MED13L: variants seen among roughly 807,000 people sequenced by gnomAD.
MED13L encodes the protein mediator complex subunit 13L.
A neutral mutation model predicts 220.9 loss-of-function variants in MED13L; 7 were observed. That is an observed-to-expected ratio of 0.03 (90% CI 0.02 to 0.06). The LOEUF is 0.06. Among genes scored for constraint, MED13L ranks in the 10% least tolerant of loss-of-function variants. The probability of loss-of-function intolerance (pLI) is 1.00; values close to 1 mark genes in which losing one functional copy is unlikely to be tolerated. For missense variants in MED13L, 1,965 were observed against 2,760.5 expected (o/e 0.71, Z 6.46); for synonymous variants, 1,011 against 1,015.2 (o/e 1.00, Z 0.08).
chr12:116,216,099 T>A (rs936149508), intron 2 of MED13L, among the ~76,000 whole-genome samples: 3 of 152,200 alleles, frequency 2.0e-5, no homozygotes, highest in African/African-American at 7.2e-5. Context: ...GTCCACTGCG[T>A]CTCTGCTCTT....
chr12:115,986,889 T>G (rs773344247), intron 18 of MED13L, among the ~76,000 whole-genome samples: 44 of 152,164 alleles, frequency 2.9e-4, no homozygotes, highest in Non-Finnish European at 5.4e-4. Flanking sequence ...ATGCACTTTT[T>G]AGGGATTAGC....
intron 2 of MED13L, among the ~76,000 whole-genome samples, chr12:116,164,363 T>C (rs1017927338): frequency 1.3e-5 from 2 of 152,098 alleles, no homozygotes; most frequent in Non-Finnish European, 2.9e-5. Flanking sequence ...AACCAAAATC[T>C]TGTAAGTATG....
chr12:116,234,922 C>G (rs1004637828), intron 2 of MED13L, among the ~76,000 whole-genome samples: 1 of 152,040 alleles, frequency 6.6e-6, no homozygotes, highest in African/African-American at 2.4e-5. Context: ...CTCAGCCTCC[C>G]AAAGTGTTGG....
intron 14 of MED13L, among the ~76,000 whole-genome samples, chr12:116,001,733 G>C (rs1038301495): frequency 3.3e-5 from 5 of 152,080 alleles, no homozygotes; most frequent in Non-Finnish European, 5.9e-5. Flanking sequence ...AATATTCTGT[G>C]CTACATTTCA....
chr12:116,274,789 T>C (rs1006575293), intron 1 of MED13L, among the ~76,000 whole-genome samples: 1 of 152,074 alleles, frequency 6.6e-6, no homozygotes, highest in Non-Finnish European at 1.5e-5. Flanking sequence ...AGTTCAAAGT[T>C]GCTACTTAAA....
At chr12:116,274,690 C>T (rs917972612) in intron 1 of MED13L, among the ~76,000 whole-genome samples, 1 of 151,622 alleles carries the variant, frequency 6.6e-6, no homozygotes, top group East Asian at 1.9e-4. Context: ...TCTTCAATAG[C>T]ACCTTATCCA....
intron 4 of MED13L, among the ~76,000 whole-genome samples, chr12:116,062,622 G>A (rs575873051): frequency 2.0e-5 from 3 of 151,642 alleles, no homozygotes; most frequent in Non-Finnish European, 2.9e-5. Flanking sequence ...TGAGTAGCTG[G>A]CACTATAGGC....
chr12:116,209,572 TTCAC>T (rs894636412), intron 2 of MED13L, among the ~76,000 whole-genome samples: 4 of 152,216 alleles, frequency 2.6e-5, no homozygotes, highest in Non-Finnish European at 5.9e-5. Flanking sequence ...ATCATGGCTC[TTCAC>T]TCAGTTTACA....
intron 2 of MED13L, among the ~76,000 whole-genome samples, chr12:116,129,498 C>T (rs890777840): frequency 6.6e-6 from 1 of 152,156 alleles, no homozygotes; most frequent in East Asian, 1.9e-4. Context: ...TAAATTAAAT[C>T]AAAGACATAT....
At chr12:116,165,703 T>C (rs371394244) in intron 2 of MED13L, among the ~76,000 whole-genome samples, 12 of 152,142 alleles carry the variant, frequency 7.9e-5, no homozygotes, top group African/African-American at 2.9e-4. Context: ...ACCATTCCTG[T>C]CTCGTTGCCC....
At chr12:115,978,037 C>A (rs1275768646) in intron 23 of MED13L, among the ~76,000 whole-genome samples, 1 of 151,870 alleles carries the variant, frequency 6.6e-6, no homozygotes, top group Non-Finnish European at 1.5e-5. Flanking sequence ...CTGCTTGAGG[C>A]CAGGAGTTCA....
chr12:116,039,731 GT>G (rs1370878938), intron 4 of MED13L, among the ~76,000 whole-genome samples: 1 of 152,082 alleles, frequency 6.6e-6, no homozygotes, highest in Non-Finnish European at 1.5e-5. Context: ...GAAAAGCTTG[GT>G]TTATATGAGG....
At chr12:115,992,030 C>T in intron 16 of MED13L, 73 bp from the exon 17 acceptor site, 2 of 1,244,536 alleles carry the variant, frequency 1.6e-6, no homozygotes, top group South Asian at 1.3e-5. Flanking sequence ...ATGATCACCC[C>T]AGCCATGTAC....
intron 1 of MED13L, among the ~76,000 whole-genome samples, chr12:116,255,598 G>A (rs1163455242): frequency 1.3e-5 from 2 of 152,176 alleles, no homozygotes; most frequent in South Asian, 4.1e-4. Context: ...CAAATTAGGA[G>A]AATACATTTG....
intron 2 of MED13L, among the ~76,000 whole-genome samples, chr12:116,176,647 C>G (rs1019115340): frequency 1.3e-5 from 2 of 151,546 alleles, no homozygotes; most frequent in African/African-American, 4.9e-5. Context: ...ATTTTGAAAA[C>G]CAAATGGAAA....
At chr12:116,269,136 G>A (rs1053893552) in intron 1 of MED13L, among the ~76,000 whole-genome samples, 6 of 152,028 alleles carry the variant, frequency 3.9e-5, no homozygotes, top group Non-Finnish European at 5.9e-5. Flanking sequence ...TCGGCTCACC[G>A]CAACCTCCAA....
chr12:116,007,556 G>GATT lies in MED13L; in HGVS notation c.2092_2093insAAT (p.Pro698delinsGlnSer). 6.2e-7 allele frequency: 1 copy of GATT among 1,613,480 alleles called. No individual in the cohort carries two copies. On this transcript the variant is annotated protein_altering_variant, in exon 11 of 31. Coordinates refer to ENST00000281928, the MANE Select transcript of MED13L (RefSeq NM_015335.5). ...TCCAGGTTGTTGTGATAGAGGCAAT[G>GATT]GGTCAAGGAAGTGGAGTGGCTGCAA...
At chr12:116,206,898 C>T (rs1882369229) in intron 2 of MED13L, among the ~76,000 whole-genome samples, 1 of 151,964 alleles carries the variant, frequency 6.6e-6, no homozygotes, top group Admixed American at 6.6e-5. Flanking sequence ...TATATCCCCC[C>T]CAAAACTCCA....
chr12:116,273,045 C>T (rs900891921), intron 1 of MED13L, among the ~76,000 whole-genome samples: 2 of 152,166 alleles, frequency 1.3e-5, no homozygotes, highest in Admixed American at 6.5e-5. Flanking sequence ...TGGCTCATGC[C>T]TGTAATCCCA....
Sources: gnomAD v4.1 joint callset for allele counts (sites outside exome capture counted in the v4.1 genomes callset) on GRCh38, gnomAD v4.1.1 for gene constraint, MANE v1.5 for transcripts, NCBI Gene and HGNC (gene_info 2026-07-23, HGNC 2026-07-21) for gene names.